The following ADAMTS17 variants were observed in gnomAD, a reference collection of about 807,000 sequenced individuals.
The protein encoded by ADAMTS17 is ADAM metallopeptidase with thrombospondin type 1 motif 17, also known as A disintegrin and metalloproteinase with thrombospondin motifs 17.
ADAMTS17 carries 113 observed loss-of-function variants against 141.5 expected under a neutral mutation model. The observed-to-expected ratio is 0.80, with a 90% confidence interval of 0.69 to 0.93. The LOEUF is 0.93. ADAMTS17 is among the 40% of genes least tolerant of loss of function. The probability of loss-of-function intolerance (pLI) is 0.00; values close to 1 mark genes in which losing one functional copy is unlikely to be tolerated. For synonymous variants in ADAMTS17, 768 were observed against 630.6 expected (o/e 1.22, Z -3.27); for missense variants, 1,659 against 1,517.9 (o/e 1.09, Z -1.54).
At chr15:100,217,956 C>T (rs372908077) in intron 7 of ADAMTS17, among the ~76,000 whole-genome samples, 1 of 152,344 alleles carries the variant, frequency 6.6e-6, no homozygotes, top group African/African-American at 2.4e-5. Flanking sequence ...TCAGTGCTCA[C>T]TGCCGCCTTG....
chr15:100,060,715 C>G (rs2033051400), intron 15 of ADAMTS17, among the ~76,000 whole-genome samples: 1 of 152,226 alleles, frequency 6.6e-6, no homozygotes, highest in Non-Finnish European at 1.5e-5. Flanking sequence ...TCTGCCAGCT[C>G]TGTTCTTAGC....
At chr15:100,084,923 A>G (rs1207314631) in intron 15 of ADAMTS17, among the ~76,000 whole-genome samples, 4 of 152,212 alleles carry the variant, frequency 2.6e-5, no homozygotes, top group Non-Finnish European at 5.9e-5. Flanking sequence ...GGAAACGCTA[A>G]AAATCGGAGC....
intron 19 of ADAMTS17, among the ~76,000 whole-genome samples, chr15:99,995,659 C>T (rs925081706): frequency 8.5e-5 from 13 of 152,198 alleles, no homozygotes; most frequent in Admixed American, 2.6e-4. Context: ...TGGATAAAAG[C>T]GACCACGTCA....
intron 15 of ADAMTS17, among the ~76,000 whole-genome samples, chr15:100,079,452 C>T (rs1001819494): frequency 7.2e-5 from 11 of 152,152 alleles, no homozygotes; most frequent in African/African-American, 2.2e-4. Context: ...GGAAGGACCA[C>T]GTATTATACT....
chr15:100,253,979 A>G (rs1273543667), intron 7 of ADAMTS17, among the ~76,000 whole-genome samples, 157 bp downstream of exon 7: 1 of 152,140 alleles, frequency 6.6e-6, no homozygotes, highest in Non-Finnish European at 1.5e-5. Context: ...ATTTCAGGAA[A>G]ATAAAAAAAG....
chr15:100,058,028 T>A (rs2032742088), intron 15 of ADAMTS17, among the ~76,000 whole-genome samples: 1 of 151,898 alleles, frequency 6.6e-6, no homozygotes, highest in South Asian at 2.1e-4. Context: ...CAGCTTCCTA[T>A]AAATAGGCCC....
intron 3 of ADAMTS17, among the ~76,000 whole-genome samples, chr15:100,311,878 G>C (rs1367168306): frequency 6.6e-6 from 1 of 152,016 alleles, no homozygotes; most frequent in Non-Finnish European, 1.5e-5. Context: ...GCTTAGACTC[G>C]TGGGAGAAAA....
At chr15:100,027,783 G>A (rs967800757) in intron 18 of ADAMTS17, among the ~76,000 whole-genome samples, 78 of 152,208 alleles carry the variant, frequency 5.1e-4, no homozygotes, top group African/African-American at 1.8e-3. Flanking sequence ...TTTGATACTC[G>A]AAGGATAGTT....
intron 10 of ADAMTS17, among the ~76,000 whole-genome samples, chr15:100,134,241 G>A (rs775861162): frequency 2.0e-5 from 3 of 152,180 alleles, no homozygotes; most frequent in Admixed American, 6.5e-5. Context: ...CCCCGCTGCC[G>A]ACAGCAGTCA....
chr15:100,116,153 A>AC (rs1301544597), intron 13 of ADAMTS17, among the ~76,000 whole-genome samples: 29 of 151,268 alleles, frequency 1.9e-4, no homozygotes, highest in African/African-American at 6.8e-4. Context: ...AAAAAAAAAA[A>AC]AAAAACCCAA....
At chr15:100,145,735 A>C (rs8035111) in intron 10 of ADAMTS17, among the ~76,000 whole-genome samples, 1 of 152,198 alleles carries the variant, frequency 6.6e-6, no homozygotes, top group Non-Finnish European at 1.5e-5. Context: ...TCTGTTTCTA[A>C]TGTGCTTAAT....
chr15:99,996,235 G>A (rs927031088), intron 19 of ADAMTS17, among the ~76,000 whole-genome samples: 1 of 151,956 alleles, frequency 6.6e-6, no homozygotes, highest in Admixed American at 6.6e-5. Context: ...TTTGTATTTA[G>A]TAGAGACAGG....
At position 100,281,374 on chromosome 15, in the gene ADAMTS17, G is replaced by C. The variant is rs771078105; in HGVS notation, c.644C>G (p.Pro215Arg). ...CCTCCGCTCCCGCCAGTCCCGCGAA[G>C]GCCTGCCCCACGTCGGCTTCTTCTT... ...TEKKKPTWGR[P>R]SRDWRERRNA... is the part of the protein sequence containing the mutation. The change falls in exon 4 of 22, where the codon CCT (proline) becomes CGT (arginine). Residue 215 changes from proline (P) to arginine (R), a missense_variant. Physicochemically the swap from Pro to Arg is moderately radical, Grantham distance 103. Transcript: ENST00000268070. 1.9e-6 allele frequency: 3 copies of C among 1,612,686 alleles called. No individual in the cohort carries two copies. Among genetic ancestry groups the C allele is most frequent in the Non-Finnish European group, 2.5e-6 (3 of 1,179,956 alleles).
intron 15 of ADAMTS17, among the ~76,000 whole-genome samples, chr15:100,074,573 A>T (rs149411301): frequency 1.5e-3 from 224 of 152,164 alleles, no homozygotes; most frequent in Non-Finnish European, 2.6e-3. Flanking sequence ...ATCTCAGAAT[A>T]AACCTCACTT....
At chr15:100,319,517 T>C (rs1443222830) in intron 3 of ADAMTS17, among the ~76,000 whole-genome samples, 1 of 152,128 alleles carries the variant, frequency 6.6e-6, no homozygotes, top group Admixed American at 6.5e-5. Flanking sequence ...GAGAACAGCC[T>C]GGCCAACATG....
intron 12 of ADAMTS17, chr15:100,126,456 T>G (rs1338499236): frequency 1.3e-5 from 2 of 152,228 alleles, no homozygotes; most frequent in Non-Finnish European, 2.9e-5. Context: ...GGGTTCTGTG[T>G]TGAAGCTTGT....
chr15:100,288,768 G>A (rs1447909513), intron 3 of ADAMTS17, among the ~76,000 whole-genome samples: 1 of 152,016 alleles, frequency 6.6e-6, no homozygotes, highest in Non-Finnish European at 1.5e-5. Flanking sequence ...TGGAAACAGT[G>A]AAATTAAGGC....
intron 8 of ADAMTS17, among the ~76,000 whole-genome samples, chr15:100,197,311 T>C (rs2041156911): frequency 6.6e-6 from 1 of 152,312 alleles, no homozygotes; most frequent in South Asian, 2.1e-4. Flanking sequence ...TTATTTAAAT[T>C]GACTATTCAA....
chr15:100,305,332 T>C (rs2045186567), intron 3 of ADAMTS17, among the ~76,000 whole-genome samples: 1 of 152,262 alleles, frequency 6.6e-6, no homozygotes, highest in Non-Finnish European at 1.5e-5. Context: ...TTTACCTATT[T>C]AGGATGCCAG....
Sources: allele counts gnomAD v4.1 joint callset (sites outside exome capture counted in the v4.1 genomes callset), GRCh38; gene constraint gnomAD v4.1.1; transcripts MANE v1.5; gene names NCBI Gene and HGNC (gene_info 2026-07-23, HGNC 2026-07-21).